The following TNS1 variants were observed in gnomAD, a reference collection of about 807,000 sequenced individuals.
TNS1 encodes the protein tensin-1.
TNS1 carries 62 observed loss-of-function variants against 168.6 expected under a neutral mutation model. That is an observed-to-expected ratio of 0.37 (90% confidence interval 0.30 to 0.45). The LOEUF (loss-of-function observed/expected upper bound fraction) is 0.45. Among genes scored for constraint, TNS1 ranks in the 20% least tolerant of loss-of-function variants. The pLI, the probability that TNS1 is intolerant of heterozygous loss-of-function variation, is 1.00. For missense variants in TNS1, 2,240 were observed against 2,339.4 expected (o/e 0.96, Z 0.88); for synonymous variants, 934 against 933.2 (o/e 1.00, Z -0.02).
At chr2:217,926,169 A>G (rs551861079) in intron 3 of TNS1, among the ~76,000 whole-genome samples, 8 of 152,340 alleles carry the variant, frequency 5.3e-5, no homozygotes, top group Admixed American at 2.6e-4. Flanking sequence ...AGGTCTCAGG[A>G]GAAACCAACA....
At chr2:217,932,790 C>G (rs1956389588) in intron 3 of TNS1, among the ~76,000 whole-genome samples, 1 of 152,192 alleles carries the variant, frequency 6.6e-6, no homozygotes, top group Non-Finnish European at 1.5e-5. Context: ...TTCCTGAGCT[C>G]TGAATTCTTC....
chr2:217,886,205 T>A, intron 13 of TNS1, 101 bp from the exon 14 acceptor site: 2 of 1,275,488 alleles, frequency 1.6e-6, no homozygotes, highest in Non-Finnish European at 1.1e-6. Flanking sequence ...AAGGAAGAAA[T>A]GGGGGAAGAC....
chr2:217,950,782 G>T (rs1957221787), intron 3 of TNS1, among the ~76,000 whole-genome samples: 1 of 150,886 alleles, frequency 6.6e-6, no homozygotes, highest in South Asian at 2.1e-4. Context: ...CACCCGCACG[G>T]CCCTCTTCCT....
upstream of TNS1, among the ~76,000 whole-genome samples, chr2:218,014,929 C>A (rs62182233): frequency 1.2e-3 from 151 of 127,496 alleles, no homozygotes; most frequent in East Asian, 7.9e-3. Context: ...GGAAGGCAGG[C>A]AGGCAGGCAG....
chr2:217,961,002 T>A (rs1957482314), intron 3 of TNS1, among the ~76,000 whole-genome samples: 1 of 151,386 alleles, frequency 6.6e-6, no homozygotes, highest in African/African-American at 2.4e-5. Flanking sequence ...GTGAGGGAGG[T>A]CTTTGGGATG....
chr2:217,871,119 G>A (rs1460830901), intron 18 of TNS1, among the ~76,000 whole-genome samples: 1 of 152,154 alleles, frequency 6.6e-6, no homozygotes, highest in East Asian at 1.9e-4. Context: ...ACTGCCCAAG[G>A]GGGCCAAGAG....
At chr2:217,845,469 G>A (rs1486617706) in intron 19 of TNS1, among the ~76,000 whole-genome samples, 3 of 152,210 alleles carry the variant, frequency 2.0e-5, no homozygotes, top group Admixed American at 6.5e-5. Context: ...AGGACCTGCT[G>A]ACATAAATTC....
chr2:217,980,928 A>G (rs1216223258), intron 2 of TNS1, among the ~76,000 whole-genome samples: 4 of 152,144 alleles, frequency 2.6e-5, no homozygotes, highest in Admixed American at 2.0e-4. Context: ...ACCCAAAGTC[A>G]TCTCCTCAAA....
chr2:217,813,144 C>G lies in TNS1; in HGVS notation c.4954+71G>C. On this transcript the variant is annotated intron_variant, in intron 27 of 32. Coordinates refer to ENST00000682258, the MANE Select transcript of TNS1 (RefSeq NM_001387777.1). The surrounding 1 kb of genome is among the most constrained non-coding windows in gnomAD (Gnocchi z 4.0). ...TGTCAGAAAGAACTTGGGGTCAGAC[C>G]CCTGGAGGAACCCAGGACAGGACCA... 8.6e-7 allele frequency: 1 copy of G among 1,159,820 alleles called. No individual in the cohort carries two copies. Among genetic ancestry groups the G allele is most frequent in the African/African-American group, 1.5e-5 (1 of 65,612 alleles). 71.8% of individuals were successfully genotyped at this position (1,159,820 alleles called of 1,614,324 possible). A position where few individuals can be genotyped will look rare whatever the true frequency, so the allele number is the denominator to read the frequency against.
At chr2:217,967,207 G>C (rs1278418894) in intron 3 of TNS1, among the ~76,000 whole-genome samples, 2 of 152,154 alleles carry the variant, frequency 1.3e-5, no homozygotes, top group African/African-American at 4.8e-5. Flanking sequence ...TGTAGTCCCA[G>C]CTACTTGGGA....
chr2:218,000,997 TA>T (rs1282927533), intron 1 of TNS1, among the ~76,000 whole-genome samples: 1 of 151,798 alleles, frequency 6.6e-6, no homozygotes, highest in African/African-American at 2.4e-5. Context: ...ACTAAAAATA[TA>T]AAAAATTAGC....
chr2:217,919,302 C>CACT (rs1955464779), intron 4 of TNS1, among the ~76,000 whole-genome samples: 1 of 152,236 alleles, frequency 6.6e-6, no homozygotes, highest in Admixed American at 6.5e-5. Context: ...GAGGTACCTA[C>CACT]AACTGCCTGG....
chr2:217,878,212 C>T (rs911113693), intron 18 of TNS1, among the ~76,000 whole-genome samples: 1 of 152,202 alleles, frequency 6.6e-6, no homozygotes, highest in South Asian at 2.1e-4. Context: ...CTCCAGCACA[C>T]CCCCCTCGCC....
intron 3 of TNS1, among the ~76,000 whole-genome samples, chr2:217,937,654 G>A (rs1246343353): frequency 1.3e-5 from 2 of 152,164 alleles, no homozygotes; most frequent in Non-Finnish European, 2.9e-5. Flanking sequence ...TGGGACTGGG[G>A]GACGCCCAGC....
intron 24 of TNS1, among the ~76,000 whole-genome samples, chr2:217,817,082 G>T (rs1942008224): frequency 6.6e-6 from 1 of 152,166 alleles, no homozygotes; most frequent in Admixed American, 6.5e-5. Context: ...TGTGGGGCTG[G>T]CAAAGGTATG....
At chr2:217,859,682 G>T (rs1319327504) in intron 18 of TNS1, 3 of 1,536,112 alleles carry the variant, frequency 2.0e-6, no homozygotes, top group East Asian at 2.4e-5. Flanking sequence ...ACTGGCTATT[G>T]GTATTCTGTT....
chr2:217,893,372 A>G (rs1951930613), intron 10 of TNS1, 67 bp downstream of exon 10: 3 of 1,516,216 alleles, frequency 2.0e-6, no homozygotes, highest in South Asian at 1.3e-5. Context: ...ACATTCAGGC[A>G]CACACACATG....
chr2:218,027,525 C>T (rs1958861072), intron 1 of TNS1, among the ~76,000 whole-genome samples: 1 of 152,036 alleles, frequency 6.6e-6, no homozygotes, highest in African/African-American at 2.4e-5. Context: ...AGTGTCGCCT[C>T]CTCTGGGAGG....
At chr2:217,828,709 G>A (rs1472584501) in intron 22 of TNS1, among the ~76,000 whole-genome samples, 2 of 152,184 alleles carry the variant, frequency 1.3e-5, no homozygotes, top group Non-Finnish European at 2.9e-5. Flanking sequence ...TAAATCAGGG[G>A]TTCCTCTGGG....
Sources: gnomAD v4.1 joint callset for allele counts (sites outside exome capture counted in the v4.1 genomes callset) on GRCh38, gnomAD v4.1.1 for gene constraint, Gnocchi (gnomAD v3.1) non-coding constraint, MANE v1.5 for transcripts, NCBI Gene and HGNC (gene_info 2026-07-23, HGNC 2026-07-21) for gene names.